ATP10B: variants seen among roughly 807,000 people sequenced by gnomAD.
ATP10B encodes phospholipid-transporting ATPase VB.
Under a neutral mutation model 141.2 loss-of-function variants are expected in ATP10B, and 122 were observed. The observed-to-expected ratio is 0.86, with a 90% CI of 0.75 to 1.00. The LOEUF (loss-of-function observed/expected upper bound fraction) is 1.00. Ranked by LOEUF, ATP10B falls within the 50% of genes least tolerant of loss-of-function variation. The pLI is 0.00. For synonymous variants in ATP10B, 685 were observed against 692.0 expected (o/e 0.99, Z 0.16); for missense variants, 1,876 against 1,825.3 (o/e 1.03, Z -0.51).
chr5:160,641,235 G>T (rs1409879284), intron 9 of ATP10B, among the ~76,000 whole-genome samples: 1 of 152,210 alleles, frequency 6.6e-6, no homozygotes, highest in Non-Finnish European at 1.5e-5. Flanking sequence ...TGGCAGCAGA[G>T]TTTTAGGCTG....
At chr5:160,897,177 T>TA in the ATP10B span, among the ~76,000 whole-genome samples, 8 of 152,186 alleles carry the variant, frequency 5.3e-5, no homozygotes, top group African/African-American at 1.2e-4. Flanking sequence ...AACATAGTAT[T>TA]AGAAGTTCTG....
At chr5:160,646,009 A>G (rs1046370316) in intron 8 of ATP10B, among the ~76,000 whole-genome samples, 1 of 152,190 alleles carries the variant, frequency 6.6e-6, no homozygotes, top group Non-Finnish European at 1.5e-5. Flanking sequence ...CTGTGTTTAT[A>G]AACTACATTT....
At chr5:160,687,326 C>A (rs992758804) in intron 5 of ATP10B, among the ~76,000 whole-genome samples, 2 of 152,064 alleles carry the variant, frequency 1.3e-5, no homozygotes, top group African/African-American at 4.8e-5. Flanking sequence ...TGGCCTGAGA[C>A]AGCATAGAAC....
chr5:160,605,569 A>G (rs539009516), intron 19 of ATP10B, among the ~76,000 whole-genome samples: 3 of 152,314 alleles, frequency 2.0e-5, no homozygotes, highest in African/African-American at 7.2e-5. Flanking sequence ...TCCAGGCATA[A>G]AAGTAGGATG....
intron 2 of ATP10B, among the ~76,000 whole-genome samples, chr5:160,729,778 G>A (rs62390743): frequency 0.15 from 22,416 of 152,152 alleles, 2,396 homozygotes; most frequent in East Asian, 0.42. Flanking sequence ...TAGTGAGCAG[G>A]TGGGTTGTAG....
At chr5:160,624,609 T>C (rs1758518943) in intron 13 of ATP10B, among the ~76,000 whole-genome samples, 1 of 152,212 alleles carries the variant, frequency 6.6e-6, no homozygotes, top group South Asian at 2.1e-4. Flanking sequence ...ATATTATCCA[T>C]GCTCTCTGCC....
Position 160,830,950 on chromosome 5 carries a change from C to G in ATP10B, c.-576+20991G>C, listed in dbSNP as rs998495912. On this transcript the variant is annotated intron_variant, in intron 1 of 25. Transcript: ENST00000327245. Reference sequence around the variant, plus strand: ...GTATGCCTCTTCTCAATCTCTCTCTCTCTCTCTCATACATACACAAACACA... The same window carrying G: ...GTATGCCTCTTCTCAATCTCTCTCTGTCTCTCTCATACATACACAAACACA... 3.0e-5 allele frequency among the ~76,000 whole-genome samples: 4 copies of G among 133,806 alleles called. No homozygotes were observed. The South Asian group carries it at 1.0e-3, about 35-fold the overall frequency. 87.8% of individuals were successfully genotyped at this position (133,806 alleles called of 152,430 possible).
At chr5:160,746,423 G>C (rs1561811147) in intron 2 of ATP10B, among the ~76,000 whole-genome samples, 1 of 148,930 alleles carries the variant, frequency 6.7e-6, no homozygotes, top group Non-Finnish European at 1.5e-5. Flanking sequence ...ACTGAGTCTT[G>C]CTCTATTGCC....
chr5:160,703,481 GTTTT>G (rs34636305), intron 3 of ATP10B, among the ~76,000 whole-genome samples: 3 of 147,868 alleles, frequency 2.0e-5, no homozygotes, highest in Non-Finnish European at 3.0e-5. Flanking sequence ...GATGATATTT[GTTTT>G]TTTTTTTTTT....
chr5:160,834,403 T>C (rs1775290920), intron 1 of ATP10B, among the ~76,000 whole-genome samples: 1 of 152,136 alleles, frequency 6.6e-6, no homozygotes, highest in Non-Finnish European at 1.5e-5. Context: ...CTGATTCTTA[T>C]GCTCCTAGGG....
intron 25 of ATP10B, among the ~76,000 whole-genome samples, chr5:160,568,399 GAAGT>G (rs1754680492): frequency 6.6e-6 from 1 of 152,200 alleles, no homozygotes; most frequent in Non-Finnish European, 1.5e-5. Flanking sequence ...CTTATTAAAG[GAAGT>G]AAGGCCTGTT....
At chr5:160,847,526 C>T (rs1320688404) in intron 1 of ATP10B, among the ~76,000 whole-genome samples, 1 of 152,190 alleles carries the variant, frequency 6.6e-6, no homozygotes, top group Non-Finnish European at 1.5e-5. Flanking sequence ...CATGTGGCAC[C>T]TGCTAACAAG....
rs1243871133 is a variant in ATP10B, at chr5:160,622,414, T to C, written c.1792A>G (p.Thr598Ala). ...TICNSVMVST[T>A]TEPRQRVTIK... ...CTTACCCTCTGCCTGGGCTCGGTGGTTGTGGACACCATGACAGAGTTGCAG... is the reference window on the plus strand; with the variant it reads ...CTTACCCTCTGCCTGGGCTCGGTGGCTGTGGACACCATGACAGAGTTGCAG... The change falls in exon 14 of 26, where the codon ACC becomes GCC. Residue 598 changes from threonine (T) to alanine (A), a missense_variant. Physicochemically the swap from Thr to Ala is moderately conservative, Grantham distance 58 (BLOSUM62 0). Coordinates refer to ENST00000327245, the MANE Select transcript of ATP10B (RefSeq NM_025153.3). 6.2e-7 allele frequency: 1 copy of C among 1,613,584 alleles called. No individual in the cohort carries two copies. The highest frequency in any genetic ancestry group is 2.2e-5 in the East Asian group (1 of 44,850).
At chr5:160,685,855 A>G (rs1763717482) in intron 6 of ATP10B, among the ~76,000 whole-genome samples, 1 of 152,086 alleles carries the variant, frequency 6.6e-6, no homozygotes, top group Non-Finnish European at 1.5e-5. Context: ...CCCGGATTTT[A>G]CCCACTAGAT....
intron 3 of ATP10B, among the ~76,000 whole-genome samples, chr5:160,706,517 C>A (rs1027738051): frequency 6.6e-6 from 1 of 152,178 alleles, no homozygotes; most frequent in African/African-American, 2.4e-5. Flanking sequence ...ATCCCAGACA[C>A]CTTGGCTCTT....
In ATP10B at chr5:160,612,631, G is replaced by C. The variant is rs1757777999; in HGVS notation, c.2838+110C>G. ...AAGATTCAGTGATCTGTTGGGGGTT[G>C]GGTGCTTCCCTGGTGTACCCAAATC... On this transcript the variant is annotated intron_variant, in intron 18 of 25. Transcript: ENST00000327245. The C allele has an allele frequency of 5.8e-6, 5 of 868,656 alleles. No homozygotes were observed. The East Asian group carries it at 1.3e-4, about 23-fold the overall frequency. The allele number at this position is 868,656 out of a possible 1,614,324, so 53.8% of individuals were successfully genotyped here.
chr5:160,598,813 AGTGTTTC>A lies in ATP10B; in HGVS notation c.3514_3520del (p.Glu1172SerfsTer49). The stretch of plus-strand genomic sequence containing the variant: ...CTTGTATAGCTCAGGCAATGCCAGG[AGTGTTTC>A]TGCAGAGATGTCTTTGTCAAGGACT... On this transcript the variant is annotated frameshift_variant, in exon 22 of 26. Transcript: ENST00000327245. LOFTEE classifies it high-confidence loss of function. 6.2e-7 allele frequency: 1 copy of A among 1,614,144 alleles called. No individual in the cohort carries two copies. Among genetic ancestry groups the A allele is most frequent in the South Asian group, 1.1e-5 (1 of 91,066 alleles).
the ATP10B span, among the ~76,000 whole-genome samples, chr5:160,867,985 A>G: frequency 2.0e-5 from 3 of 152,146 alleles, no homozygotes; most frequent in African/African-American, 7.2e-5. Context: ...TCTAAATCAC[A>G]TGACAAAACT....
chr5:160,832,328 G>A (rs1407847060), intron 1 of ATP10B, among the ~76,000 whole-genome samples: 1 of 152,072 alleles, frequency 6.6e-6, no homozygotes, highest in Non-Finnish European at 1.5e-5. Context: ...GTAAGAAATT[G>A]CCTGGATAAG....
Sources: allele counts gnomAD v4.1 joint callset (sites outside exome capture counted in the v4.1 genomes callset), GRCh38; gene constraint gnomAD v4.1.1; transcripts MANE v1.5; gene names NCBI Gene and HGNC (gene_info 2026-07-23, HGNC 2026-07-21).